SGCZ: variants seen among roughly 807,000 people sequenced by gnomAD.
SGCZ encodes sarcoglycan zeta, also known as zeta-sarcoglycan.
A neutral mutation model predicts 41.3 loss-of-function variants in SGCZ; 40 were observed. That is an observed-to-expected ratio of 0.97 (90% confidence interval 0.75 to 1.26). The LOEUF (loss-of-function observed/expected upper bound fraction) is 1.26, where lower values mean the gene tolerates loss of function less well. Ranked by LOEUF, SGCZ falls within the 50% of genes most tolerant of loss-of-function variation. The pLI, the probability that SGCZ is intolerant of heterozygous loss-of-function variation, is 0.00. For synonymous variants in SGCZ, 206 were observed against 137.5 expected (o/e 1.50, Z -3.49); for missense variants, 552 against 369.8 (o/e 1.49, Z -4.04).
intron 1 of SGCZ, among the ~76,000 whole-genome samples, chr8:14,873,290 T>A (rs1470026923): frequency 2.6e-5 from 4 of 152,088 alleles, no homozygotes; most frequent in Non-Finnish European, 5.9e-5. Flanking sequence ...CATAGATGAG[T>A]TATTCATTGC....
At chr8:14,945,944 C>A (rs1270275223) in intron 1 of SGCZ, among the ~76,000 whole-genome samples, 1 of 133,884 alleles carries the variant, frequency 7.5e-6, no homozygotes, top group East Asian at 2.3e-4. Flanking sequence ...TGCAGATAGG[C>A]CTCTCATGGG....
At chr8:14,780,324 G>A (rs1800549711) in intron 1 of SGCZ, among the ~76,000 whole-genome samples, 1 of 148,216 alleles carries the variant, frequency 6.7e-6, no homozygotes, top group African/African-American at 2.5e-5. Context: ...GCAGTGAGCT[G>A]AGATTGCGCC....
chr8:14,354,297 A>T (rs1803211787), intron 2 of SGCZ, among the ~76,000 whole-genome samples: 1 of 151,950 alleles, frequency 6.6e-6, no homozygotes, highest in Non-Finnish European at 1.5e-5. Context: ...AAATAATCTG[A>T]AATTAATGTT....
intron 1 of SGCZ, among the ~76,000 whole-genome samples, chr8:14,955,360 T>G (rs1481899278): frequency 3.3e-5 from 5 of 152,192 alleles, no homozygotes; most frequent in Non-Finnish European, 7.4e-5. Context: ...CTGGAGATCC[T>G]GGTTCTTCCC....
intron 1 of SGCZ, among the ~76,000 whole-genome samples, chr8:14,715,211 G>C (rs1276593720): frequency 6.6e-6 from 1 of 151,920 alleles, no homozygotes; most frequent in African/African-American, 2.4e-5. Context: ...ACCTAACAAT[G>C]GAAATCAAAT....
At chr8:14,725,389 A>T (rs1412038873) in intron 1 of SGCZ, among the ~76,000 whole-genome samples, 1 of 152,108 alleles carries the variant, frequency 6.6e-6, no homozygotes, top group Non-Finnish European at 1.5e-5. Flanking sequence ...TTATAATCCT[A>T]GTTTTTTGAG....
intron 1 of SGCZ, among the ~76,000 whole-genome samples, chr8:14,847,111 A>G (rs1402138645): frequency 7.3e-6 from 1 of 137,302 alleles, no homozygotes; most frequent in Non-Finnish European, 1.5e-5. Context: ...AGAAAGAAGA[A>G]AGAAGAAGAA....
chr8:14,099,221 A>G (rs1253398640), intron 7 of SGCZ, among the ~76,000 whole-genome samples: 4 of 152,128 alleles, frequency 2.6e-5, no homozygotes, highest in Non-Finnish European at 5.9e-5. Flanking sequence ...TGTTCTGCCA[A>G]GGCAGTGACG....
At chr8:14,486,950 T>A (rs752192567) in intron 2 of SGCZ, among the ~76,000 whole-genome samples, 2 of 152,134 alleles carry the variant, frequency 1.3e-5, no homozygotes, top group African/African-American at 2.4e-5. Context: ...TAGTAGAGCA[T>A]GGAATGAAGC....
chr8:14,855,314 T>C (rs953746030), intron 1 of SGCZ, among the ~76,000 whole-genome samples: 5 of 152,170 alleles, frequency 3.3e-5, no homozygotes, highest in African/African-American at 1.2e-4. Flanking sequence ...CCTCACAAAG[T>C]GCTGGGATTT....
At chr8:14,614,114 A>G (rs1199944490) in intron 1 of SGCZ, among the ~76,000 whole-genome samples, 1 of 152,154 alleles carries the variant, frequency 6.6e-6, no homozygotes, top group African/African-American at 2.4e-5. Context: ...AGATTACATT[A>G]CACTAAATTA....
intron 5 of SGCZ, among the ~76,000 whole-genome samples, chr8:14,131,169 A>C (rs1358020066): frequency 6.6e-6 from 1 of 152,132 alleles, no homozygotes; most frequent in Non-Finnish European, 1.5e-5. Flanking sequence ...TGAAGCAACG[A>C]ATCTCTAGTA....
At chr8:14,668,175 G>A (rs548486309) in intron 1 of SGCZ, among the ~76,000 whole-genome samples, 2 of 152,252 alleles carry the variant, frequency 1.3e-5, no homozygotes, top group African/African-American at 4.8e-5. Flanking sequence ...GGCCAGGCTA[G>A]TCTCAAACTC....
intron 1 of SGCZ, among the ~76,000 whole-genome samples, chr8:14,885,195 T>A (rs1332174029): frequency 6.6e-6 from 1 of 152,182 alleles, no homozygotes; most frequent in Admixed American, 6.5e-5. Context: ...CATGTGCCTG[T>A]TTGTTTTTAA....
intron 4 of SGCZ, among the ~76,000 whole-genome samples, chr8:14,179,949 C>T (rs543250868): frequency 7.9e-5 from 12 of 152,238 alleles, no homozygotes; most frequent in South Asian, 6.2e-4. Context: ...TTGGTGAAAC[C>T]GGCCCAAGCA....
intron 2 of SGCZ, among the ~76,000 whole-genome samples, chr8:14,337,961 T>G (rs1010712421): frequency 2.0e-5 from 3 of 152,098 alleles, no homozygotes; most frequent in Non-Finnish European, 1.5e-5. Flanking sequence ...CATAGAAGGT[T>G]ATAAGGAGAT....
intron 1 of SGCZ, among the ~76,000 whole-genome samples, chr8:15,226,292 C>A (rs1405882949): frequency 1.3e-5 from 2 of 152,112 alleles, no homozygotes; most frequent in African/African-American, 4.8e-5. Context: ...ATATTTTTGA[C>A]TATAAGAAAT....
chr8:15,110,536 A>T (rs1485906897), intron 1 of SGCZ, among the ~76,000 whole-genome samples: 1 of 152,234 alleles, frequency 6.6e-6, no homozygotes, highest in African/African-American at 2.4e-5. Flanking sequence ...GGGCAAAGGG[A>T]TTAAGTTTCA....
chr8:14,457,304 A>T (rs190233523), intron 2 of SGCZ, among the ~76,000 whole-genome samples: 2 of 152,340 alleles, frequency 1.3e-5, no homozygotes, highest in African/African-American at 4.8e-5. Flanking sequence ...ACACAGGGCC[A>T]CCAGAGGGCT....
Sources: allele counts gnomAD v4.1 joint callset (sites outside exome capture counted in the v4.1 genomes callset), GRCh38; gene constraint gnomAD v4.1.1; transcripts MANE v1.5; gene names NCBI Gene and HGNC (gene_info 2026-07-23, HGNC 2026-07-21).